Variants in ASTN2 observed in about 807,000 individuals in gnomAD.
ASTN2 encodes astrotactin 2.
A neutral mutation model predicts 139.8 loss-of-function variants in ASTN2; 54 were observed. The observed-to-expected ratio is 0.39, with a 90% CI of 0.31 to 0.48. ASTN2 has a LOEUF of 0.48. Ranked by LOEUF, ASTN2 falls within the 20% of genes least tolerant of loss-of-function variation. The pLI, the probability that ASTN2 is intolerant of heterozygous loss-of-function variation, is 0.95. For missense variants in ASTN2, 1,565 were observed against 1,725.1 expected, an observed-to-expected ratio of 0.91 and a Z score of 1.64; for synonymous variants, 756 against 719.5, an observed-to-expected ratio of 1.05 and a Z score of -0.81.
At chr9:116,542,665 G>GT (rs1851923341) in intron 19 of ASTN2, among the ~76,000 whole-genome samples, 1 of 152,162 alleles carries the variant, frequency 6.6e-6, no homozygotes, top group Non-Finnish European at 1.5e-5. Flanking sequence ...GCTCATACCT[G>GT]TAATCCCAGC....
intron 2 of ASTN2, among the ~76,000 whole-genome samples, chr9:117,240,166 G>A (rs1360003217): frequency 2.0e-5 from 3 of 152,156 alleles, no homozygotes; most frequent in Non-Finnish European, 4.4e-5. Flanking sequence ...ATCTGTCTAT[G>A]GTCACACTGG....
intron 3 of ASTN2, among the ~76,000 whole-genome samples, chr9:117,157,507 T>C (rs1424310701): frequency 6.6e-6 from 1 of 151,808 alleles, no homozygotes; most frequent in Non-Finnish European, 1.5e-5. Context: ...GAAATAAAAA[T>C]GAAAAGGGGG....
chr9:117,178,007 A>T (rs1390066231), intron 3 of ASTN2, among the ~76,000 whole-genome samples: 1 of 151,960 alleles, frequency 6.6e-6, no homozygotes, highest in African/African-American at 2.4e-5. Context: ...CTCCAATCTC[A>T]CCATCTATAA....
chr9:117,079,520 G>C (rs1445467835), intron 5 of ASTN2, among the ~76,000 whole-genome samples: 1 of 152,118 alleles, frequency 6.6e-6, no homozygotes, highest in Non-Finnish European at 1.5e-5. Flanking sequence ...ATGATACAAG[G>C]GGAAAGAGCC....
At chr9:117,106,468 G>A (rs1829106865) in intron 4 of ASTN2, among the ~76,000 whole-genome samples, 1 of 151,564 alleles carries the variant, frequency 6.6e-6, no homozygotes, top group South Asian at 2.1e-4. Flanking sequence ...CAAAGTGCTG[G>A]GATTATAAAC....
chr9:117,240,802 C>T (rs1833182571), intron 2 of ASTN2, among the ~76,000 whole-genome samples: 1 of 152,188 alleles, frequency 6.6e-6, no homozygotes, highest in Admixed American at 6.5e-5. Flanking sequence ...TGCCCAGACT[C>T]ACATAGCATA....
At chr9:116,529,753 C>T (rs571855290) in intron 19 of ASTN2, among the ~76,000 whole-genome samples, 26 of 151,930 alleles carry the variant, frequency 1.7e-4, no homozygotes, top group Non-Finnish European at 3.1e-4. Context: ...GAGATCTTAT[C>T]GTTTAAAAGT....
intron 3 of ASTN2, among the ~76,000 whole-genome samples, chr9:117,193,644 A>AG (rs1468282133): frequency 6.6e-6 from 1 of 151,448 alleles, no homozygotes; most frequent in Admixed American, 6.6e-5. Context: ...GTCACCAAAA[A>AG]AAAAAAAAAA....
At chr9:117,355,612 C>G (rs1829519345) in intron 1 of ASTN2, among the ~76,000 whole-genome samples, 1 of 152,148 alleles carries the variant, frequency 6.6e-6, no homozygotes, top group Non-Finnish European at 1.5e-5. Flanking sequence ...AAAAGCAAAA[C>G]AAGTCCTCAA....
intron 19 of ASTN2, among the ~76,000 whole-genome samples, chr9:116,529,899 T>G (rs1232813844): frequency 6.6e-6 from 1 of 151,886 alleles, no homozygotes; most frequent in Non-Finnish European, 1.5e-5. Context: ...AAACCTCTTT[T>G]GTTTATAAAT....
At chr9:116,647,143 G>A (rs1056440816) in intron 17 of ASTN2, among the ~76,000 whole-genome samples, 1 of 152,060 alleles carries the variant, frequency 6.6e-6, no homozygotes, top group African/African-American at 2.4e-5. Flanking sequence ...ACTGCGTAAG[G>A]CCCCTTAATA....
At chr9:116,822,927 T>C (rs1831529641) in intron 11 of ASTN2, among the ~76,000 whole-genome samples, 2 of 152,104 alleles carry the variant, frequency 1.3e-5, no homozygotes, top group Admixed American at 6.5e-5. Context: ...AATGTTCTCA[T>C]GACAGAGAGG....
chr9:117,401,184 A>C (rs1830817905), intron 1 of ASTN2, among the ~76,000 whole-genome samples: 1 of 151,734 alleles, frequency 6.6e-6, no homozygotes, highest in Non-Finnish European at 1.5e-5. Context: ...ACAAACTATC[A>C]CCCTGATTTC....
intron 17 of ASTN2, among the ~76,000 whole-genome samples, chr9:116,649,260 G>T (rs958222851): frequency 1.2e-4 from 18 of 151,710 alleles, no homozygotes; most frequent in African/African-American, 4.4e-4. Context: ...AAGAAGGGAG[G>T]AAAGGGTGTT....
chr9:116,478,229 A>C (rs2119043540), intron 20 of ASTN2, among the ~76,000 whole-genome samples: 1 of 52,196 alleles, frequency 1.9e-5, no homozygotes, highest in African/African-American at 8.3e-5. Flanking sequence ...TGGGGGAGTA[A>C]GGGGGGAGGG....
chr9:116,888,038 A>G (rs1833662596), intron 10 of ASTN2, among the ~76,000 whole-genome samples: 2 of 152,200 alleles, frequency 1.3e-5, no homozygotes. Context: ...TTGATAATAT[A>G]TATTTTTCAT....
At chr9:116,791,878 G>T (rs1002125795) in intron 13 of ASTN2, among the ~76,000 whole-genome samples, 1 of 152,142 alleles carries the variant, frequency 6.6e-6, no homozygotes, top group Non-Finnish European at 1.5e-5. Context: ...ACCAAAAAAG[G>T]GGGGAAAGCG....
At chr9:116,764,425 T>C (rs987224998) in intron 13 of ASTN2, among the ~76,000 whole-genome samples, 2 of 152,168 alleles carry the variant, frequency 1.3e-5, no homozygotes, top group Admixed American at 6.5e-5. Flanking sequence ...GTAGGGCAGC[T>C]GAACTTCTTC....
chr9:116,733,268 C>T, intron 14 of ASTN2, 131 bp downstream of exon 14: 1 of 1,313,492 alleles, frequency 7.6e-7, no homozygotes. Flanking sequence ...AGTTCCTTCC[C>T]ATACCCTTCC....
Sources: gnomAD v4.1 joint callset for allele counts (sites outside exome capture counted in the v4.1 genomes callset) on GRCh38, gnomAD v4.1.1 for gene constraint, MANE v1.5 for transcripts, NCBI Gene and HGNC (gene_info 2026-07-23, HGNC 2026-07-21) for gene names.